PREX2: variants seen among roughly 807,000 people sequenced by gnomAD.
The protein encoded by PREX2 is phosphatidylinositol 3,4,5-trisphosphate-dependent Rac exchanger 2 protein.
In PREX2, 107 loss-of-function variants were observed where a neutral mutation model predicts 203.2. The ratio of observed to expected loss-of-function variants is 0.53; its 90% CI spans 0.45 to 0.62. PREX2 has a LOEUF of 0.62. PREX2 is among the 20% of genes least tolerant of loss of function. The pLI is 0.00. For synonymous variants in PREX2, 672 were observed against 663.6 expected (o/e 1.01, Z -0.19); for missense variants, 1,777 against 1,955.9 (o/e 0.91, Z 1.72).
chr8:68,033,682 C>G (rs1563510356), intron 6 of PREX2, among the ~76,000 whole-genome samples: 1 of 152,114 alleles, frequency 6.6e-6, no homozygotes, highest in Non-Finnish European at 1.5e-5. Context: ...TGACTACACT[C>G]AAGACTGAAG....
At chr8:67,966,346 T>C (rs1054316761) in intron 1 of PREX2, among the ~76,000 whole-genome samples, 1 of 152,138 alleles carries the variant, frequency 6.6e-6, no homozygotes, top group Admixed American at 6.5e-5. Context: ...TCTTTTCCAG[T>C]ATGTCACAAT....
intron 34 of PREX2, among the ~76,000 whole-genome samples, chr8:68,154,856 T>C (rs2129613878): frequency 6.6e-6 from 1 of 152,276 alleles, no homozygotes; most frequent in African/African-American, 2.4e-5. Flanking sequence ...GTCCAGATAC[T>C]TATATACCCT....
intron 6 of PREX2, among the ~76,000 whole-genome samples, chr8:68,035,324 C>T (rs772879440): frequency 2.6e-4 from 40 of 152,116 alleles, no homozygotes; most frequent in Non-Finnish European, 5.3e-4. Context: ...TTCTAGTTGT[C>T]AGTCTTGTCA....
intron 35 of PREX2, among the ~76,000 whole-genome samples, chr8:68,178,557 G>T (rs1812026323): frequency 6.6e-6 from 1 of 151,802 alleles, no homozygotes; most frequent in Non-Finnish European, 1.5e-5. Flanking sequence ...CTTCCATTCT[G>T]CAGGTTGTCT....
intron 1 of PREX2, among the ~76,000 whole-genome samples, chr8:67,975,443 T>A (rs1331529893): frequency 6.6e-6 from 1 of 151,972 alleles, no homozygotes; most frequent in African/African-American, 2.4e-5. Flanking sequence ...AAAGAATGAA[T>A]GAGTGAATAC....
At chr8:68,110,623 C>T (rs1387447083) in intron 25 of PREX2, among the ~76,000 whole-genome samples, 3 of 152,022 alleles carry the variant, frequency 2.0e-5, no homozygotes, top group African/African-American at 7.3e-5. Flanking sequence ...ACACACACAC[C>T]TATCATCCTG....
At chr8:68,090,188 T>C (rs1236071081) in intron 19 of PREX2, among the ~76,000 whole-genome samples, 1 of 152,334 alleles carries the variant, frequency 6.6e-6, no homozygotes, top group East Asian at 1.9e-4. Flanking sequence ...TGAATACTAT[T>C]TGAATATTTA....
At position 68,231,277 on chromosome 8, in the gene PREX2, C is replaced by A. The variant is rs1308086805; in HGVS notation, c.4776-56C>A. 6.2e-6 allele frequency: 8 copies of A among 1,290,710 alleles called. No individual in the cohort carries two copies. In the Admixed American group the frequency reaches 1.4e-4, roughly 22 times the overall value. The allele number at this position is 1,290,710 out of a possible 1,614,324, so 80.0% of individuals were successfully genotyped here. On this transcript the variant is annotated intron_variant, in intron 39 of 39. Transcript: ENST00000288368. ...TGTATTTGTTCTACCAATAAAGACA[C>A]CTCATGTAATGGTAATACACTAAGT...
intron 35 of PREX2, among the ~76,000 whole-genome samples, chr8:68,165,095 A>G (rs1811734731): frequency 6.6e-6 from 1 of 150,906 alleles, no homozygotes; most frequent in South Asian, 2.1e-4. Context: ...CTTGCTGGGT[A>G]TTCAAAGCAG....
At chr8:68,030,752 C>A in intron 6 of PREX2, 94 bp downstream of exon 6, 5 of 1,206,028 alleles carry the variant, frequency 4.1e-6, no homozygotes, top group Non-Finnish European at 6.0e-6. Context: ...CATAAATGGT[C>A]ATTTTCTCAG....
intron 1 of PREX2, among the ~76,000 whole-genome samples, chr8:67,978,519 C>T (rs543046394): frequency 1.5e-4 from 23 of 152,126 alleles, no homozygotes; most frequent in African/African-American, 5.5e-4. Flanking sequence ...TGGGATTATC[C>T]GTATTATTGA....
chr8:68,194,864 A>G (rs1289466047), intron 37 of PREX2, among the ~76,000 whole-genome samples: 2 of 151,696 alleles, frequency 1.3e-5, no homozygotes, highest in East Asian at 1.9e-4. Context: ...CTTTGAGACC[A>G]TAGGGACCAG....
chr8:68,197,045 C>T (rs930705796), intron 37 of PREX2, among the ~76,000 whole-genome samples: 1 of 152,074 alleles, frequency 6.6e-6, no homozygotes, highest in African/African-American at 2.4e-5. Context: ...GGTGAGAGTC[C>T]TGGTTTCTGC....
rs1805358281 is a variant in PREX2, at chr8:67,952,173, G to A, written c.-222G>A. On this transcript the variant is annotated 5_prime_UTR_variant, in exon 1 of 40. Transcript: ENST00000288368. ...CTGGCCGGAGCCCCCACTCCCAGGA[G>A]TTTCCTCTGCAGAGCCCCGCGCCCC... The A allele has an allele frequency of 2.7e-6, 1 of 373,116 alleles. No homozygotes were observed. The highest frequency in any genetic ancestry group is 2.1e-5 in the African/African-American group (1 of 47,006). 23.1% of individuals were successfully genotyped at this position (373,116 alleles called of 1,614,324 possible). A position where few individuals can be genotyped will look rare whatever the true frequency, so the allele number is the denominator to read the frequency against.
intron 5 of PREX2, among the ~76,000 whole-genome samples, chr8:68,028,159 A>T (rs894491739): frequency 6.6e-6 from 1 of 151,988 alleles, no homozygotes; most frequent in African/African-American, 2.4e-5. Context: ...TATGATGATG[A>T]TGAATTTATA....
intron 25 of PREX2, among the ~76,000 whole-genome samples, chr8:68,110,423 T>C (rs1810513249): frequency 6.6e-6 from 1 of 152,196 alleles, no homozygotes; most frequent in Admixed American, 6.5e-5. Flanking sequence ...TTATACAAAT[T>C]AATATAGAAA....
In PREX2 at chr8:68,141,343, A is replaced by T. The variant is rs192943413; in HGVS notation, c.4087+2826A>T. Among the ~76,000 whole-genome samples, 226 of 152,312 alleles carry T rather than the reference A, an allele frequency of 1.5e-3. 2 individuals are homozygous for T. The highest frequency in any genetic ancestry group is 5.1e-3 in the African/African-American group (213 of 41,584). On this transcript the variant is annotated intron_variant, in intron 33 of 39. Transcript: ENST00000288368. ...ATATGTTTGAGTCCCCACTATCCTT[A>T]TATGGGCCAGGCATTGTGCCTGGAG...
chr8:68,051,397 A>G (rs926368242), intron 8 of PREX2, among the ~76,000 whole-genome samples: 8 of 152,138 alleles, frequency 5.3e-5, no homozygotes, highest in Non-Finnish European at 1.0e-4. Flanking sequence ...AGGTTCACTT[A>G]GCTAATCATG....
In PREX2 at chr8:68,057,686, G is replaced by C. The variant is rs547013673; in HGVS notation, c.1238+1712G>C. Among the ~76,000 whole-genome samples the C allele has an allele frequency of 4.6e-5, 7 of 152,274 alleles. No individual in the cohort carries two copies. The South Asian group carries it at 1.4e-3, about 32-fold the overall frequency. ...ACCCACCCCATGGGCATAACTTTCA[G>C]GGTCCTCACTGGGATATGCCCATTT... On this transcript the variant is annotated intron_variant, in intron 10 of 39. Coordinates refer to ENST00000288368, the MANE Select transcript of PREX2 (RefSeq NM_024870.4).
Sources: allele counts gnomAD v4.1 joint callset (sites outside exome capture counted in the v4.1 genomes callset), GRCh38; gene constraint gnomAD v4.1.1; transcripts MANE v1.5; gene names NCBI Gene and HGNC (gene_info 2026-07-23, HGNC 2026-07-21).